Variants in ADAMTS8 observed in about 807,000 individuals in gnomAD.
ADAMTS8 encodes the protein ADAM metallopeptidase with thrombospondin type 1 motif 8.
Under a neutral mutation model 64.4 loss-of-function variants are expected in ADAMTS8, and 50 were observed. That is an observed-to-expected ratio of 0.78 (90% confidence interval 0.62 to 0.98). ADAMTS8 has a LOEUF of 0.98. Among genes scored for constraint, ADAMTS8 ranks in the 50% least tolerant of loss-of-function variants. The pLI is 0.00. For missense variants in ADAMTS8, 1,192 were observed against 1,208.2 expected (o/e 0.99, Z 0.20); for synonymous variants, 556 against 533.6 (o/e 1.04, Z -0.58).
Position 130,416,176 on chromosome 11 carries a change from C to T in ADAMTS8, c.1251G>A (p.Leu417=). Residue 417 remains leucine, a synonymous_variant, in exon 4 of 9, where the codon CTG becomes CTA. Coordinates refer to ENST00000257359, the MANE Select transcript of ADAMTS8 (RefSeq NM_007037.6). The surrounding 1 kb of genome is among the most constrained non-coding windows in gnomAD (Gnocchi z 4.8). ...GCCGGTGCCTACCGTGCCCGCCGTCCAGAAGCTCTGTGAGATACATGGCGC... is the reference window on the plus strand; with the variant it reads ...GCCGGTGCCTACCGTGCCCGCCGTCTAGAAGCTCTGTGAGATACATGGCGC... ...PCSAMYLTEL[L]DGGHGDCLLD... is the part of the protein sequence containing the mutation. The T allele has an allele frequency of 6.3e-7, 1 of 1,588,840 alleles. No individual in the cohort carries two copies. Among genetic ancestry groups the T allele is most frequent in the Non-Finnish European group, 8.6e-7 (1 of 1,166,698 alleles).
Position 130,428,277 on chromosome 11 carries a change from C to G in ADAMTS8, c.10G>C (p.Ala4Pro). MLP[A>P]PAAPRWPPLL... Reference sequence around the variant, plus strand: ...GGAGGCCACCGGGGGGCGGCGGGGGCGGGGAGCATGGGGGCTGCGGCGGTG... The same window carrying G: ...GGAGGCCACCGGGGGGCGGCGGGGGGGGGGAGCATGGGGGCTGCGGCGGTG... Residue 4 changes from alanine (A) to proline (P), a missense_variant, in exon 1 of 9, where the codon GCC becomes CCC. Ala to Pro is a conservative substitution (Grantham distance 27). This residue lies in a region of ADAMTS8 where 741 missense variants were observed against 710.6 expected (regional missense o/e 1.04). Transcript: ENST00000257359. The G allele has an allele frequency of 8.3e-7, 1 of 1,203,744 alleles. No individual in the cohort carries two copies. The highest frequency in any genetic ancestry group is 1.0e-6 in the Non-Finnish European group (1 of 973,190). The allele number at this position is 1,203,744 out of a possible 1,614,324, so 74.6% of individuals were successfully genotyped here. A position where few individuals can be genotyped will look rare whatever the true frequency, so the allele number is the denominator to read the frequency against.
At position 130,411,434 on chromosome 11, in the gene ADAMTS8, T is replaced by C. The variant is rs2134676642; in HGVS notation, c.1733A>G (p.Glu578Gly). 3 of 1,614,078 alleles carry C rather than the reference T, an allele frequency of 1.9e-6. No homozygotes were observed. The East Asian group carries it at 6.7e-5, about 36-fold the overall frequency. Residue 578 changes from glutamate to glycine, a missense_variant, in exon 6 of 9, where the codon GAG becomes GGG. By Grantham distance (98) the Glu-to-Gly change is moderately conservative. Transcript: ENST00000257359. The surrounding 1 kb of genome is among the most constrained non-coding windows in gnomAD (Gnocchi z 4.2). Reference sequence around the variant, plus strand: ...GTAATTACCGTCAGGGGGGCATTCCTCCGTGTGGCATGACTGGTACTTGGC... The same window carrying C: ...GTAATTACCGTCAGGGGGGCATTCCCCCGTGTGGCATGACTGGTACTTGGC... ...RRAKYQSCHT[E>G]ECPPDGKSFR...
At chr11:130,427,331 G>A (rs986401803) in intron 1 of ADAMTS8, among the ~76,000 whole-genome samples, 1 of 152,260 alleles carries the variant, frequency 6.6e-6, no homozygotes, top group African/African-American at 2.4e-5. Context: ...AACTGGAAGG[G>A]ACCTGGGGGT....
Position 130,408,516 on chromosome 11 carries a change from C to G in ADAMTS8, c.2047G>C (p.Gly683Arg). 6.2e-7 allele frequency: 1 copy of G among 1,614,146 alleles called. No individual in the cohort carries two copies. Among genetic ancestry groups the G allele is most frequent in the Admixed American group, 1.7e-5 (1 of 60,028 alleles). The change falls in exon 8 of 9, where the codon GGG (glycine) becomes CGG (arginine). Residue 683 changes from glycine (G) to arginine (R), a missense_variant. Gly to Arg is a moderately radical substitution (Grantham distance 125). Around this residue, in one of 5 missense-constraint regions of ADAMTS8, gnomAD observed 290 missense variants for 297.8 expected, o/e 0.97. Transcript: ENST00000257359. Reference sequence around the variant, plus strand: ...TTCCTGCAGGAGTTGCCTTTGCCCCCACACACCCCGCATTTGTCCAGCTTC... The same window carrying G: ...TTCCTGCAGGAGTTGCCTTTGCCCCGACACACCCCGCATTTGTCCAGCTTC... ...PRKLDKCGVCGGKGNSCRKVS... is the reference protein window; with the variant it reads ...PRKLDKCGVCRGKGNSCRKVS...
Position 130,411,316 on chromosome 11 carries a change from C to G in ADAMTS8, c.1750+101G>C. ...CTCCCCTCTGGGAGTAACTCTATAT[C>G]CCGGGACACCCACTTCACTCCCACT... On this transcript the variant is annotated intron_variant, in intron 6 of 8. Coordinates refer to ENST00000257359, the MANE Select transcript of ADAMTS8 (RefSeq NM_007037.6). This position sits in a 1 kb window ranked among gnomAD's most constrained non-coding sequence, Gnocchi z 4.2. 2 of 1,432,492 alleles carry G rather than the reference C, an allele frequency of 1.4e-6. No individual in the cohort carries two copies. Among genetic ancestry groups the G allele is most frequent in the Admixed American group, 2.0e-5 (1 of 49,746 alleles). The allele number at this position is 1,432,492 out of a possible 1,614,324, so 88.7% of individuals were successfully genotyped here. A position where few individuals can be genotyped will look rare whatever the true frequency, so the allele number is the denominator to read the frequency against.
chr11:130,427,457 T>G, intron 1 of ADAMTS8, 110 bp downstream of exon 1: 2 of 941,024 alleles, frequency 2.1e-6, no homozygotes, highest in South Asian at 2.2e-5. Context: ...AGGGCTTTTT[T>G]TTTTTTTTTT....
chr11:130,409,640 G>A (rs567134042), intron 6 of ADAMTS8, among the ~76,000 whole-genome samples: 1 of 152,258 alleles, frequency 6.6e-6, no homozygotes, highest in Non-Finnish European at 1.5e-5. Context: ...GATTTAAAAC[G>A]ATGGCATCCC....
Position 130,428,517 on chromosome 11 carries a change from G to T in ADAMTS8, c.-231C>A. 1 of 913,170 alleles carries T rather than the reference G, an allele frequency of 1.1e-6. No individual in the cohort carries two copies. Among genetic ancestry groups the T allele is most frequent in the Non-Finnish European group, 1.3e-6 (1 of 764,438 alleles). 56.6% of individuals were successfully genotyped at this position (913,170 alleles called of 1,614,324 possible). ...GCCGCCCCCGAGCCGAGCGCGAGCA[G>T]CTGGCCCCGGCCCGCGTGCGCCCGT... On this transcript the variant is annotated 5_prime_UTR_variant, in exon 1 of 9. The change creates a new upstream start codon in the 5' untranslated region. Coordinates refer to ENST00000257359, the MANE Select transcript of ADAMTS8 (RefSeq NM_007037.6).
Position 130,416,389 on chromosome 11 carries a change from C to A in ADAMTS8, c.1097-59G>T. On this transcript the variant is annotated intron_variant, in intron 3 of 8. Coordinates refer to ENST00000257359, the MANE Select transcript of ADAMTS8 (RefSeq NM_007037.6). This position sits in a 1 kb window ranked among gnomAD's most constrained non-coding sequence, Gnocchi z 4.8. ...CCTGCCTGAGGGCGCCCCACCTGGCCCAGCTAGGGACAGAGATGGAGCTCC... is the reference window on the plus strand; with the variant it reads ...CCTGCCTGAGGGCGCCCCACCTGGCACAGCTAGGGACAGAGATGGAGCTCC... 1 of 1,483,924 alleles carries A rather than the reference C, an allele frequency of 6.7e-7. No individual in the cohort carries two copies. The allele number at this position is 1,483,924 out of a possible 1,614,324, so 91.9% of individuals were successfully genotyped here. A position where few individuals can be genotyped will look rare whatever the true frequency, so the allele number is the denominator to read the frequency against.
chr11:130,407,678 G>A (rs1052934500), intron 8 of ADAMTS8, among the ~76,000 whole-genome samples: 2 of 152,100 alleles, frequency 1.3e-5, no homozygotes, highest in African/African-American at 4.8e-5. Flanking sequence ...TAAAACACCC[G>A]AACTTGCCCT....
At chr11:130,414,122 C>CTTTTTTT (rs143297278) in intron 5 of ADAMTS8, among the ~76,000 whole-genome samples, 2 of 129,782 alleles carry the variant, frequency 1.5e-5, no homozygotes, top group Non-Finnish European at 1.7e-5. Flanking sequence ...AGTTTCTTTT[C>CTTTTTTT]TTTTTTTTTT....
chr11:130,408,147 C>G (rs542620125), intron 8 of ADAMTS8, among the ~76,000 whole-genome samples: 2 of 152,184 alleles, frequency 1.3e-5, no homozygotes, highest in South Asian at 4.2e-4. Flanking sequence ...CAGTGTGGCT[C>G]GATTGACTCA....
intron 8 of ADAMTS8, 84 bp from the exon 9 acceptor site, chr11:130,406,212 C>G: frequency 6.8e-7 from 1 of 1,476,996 alleles, no homozygotes; most frequent in Middle Eastern, 1.8e-4. Context: ...GAAGTGGGCA[C>G]CCCAGGTGGC....
In ADAMTS8 at chr11:130,405,984, C is replaced by T. The variant is rs576582608; in HGVS notation, c.2244G>A (p.Leu748=). The T allele has an allele frequency of 1.2e-6, 2 of 1,614,232 alleles. No individual in the cohort carries two copies. Among genetic ancestry groups the T allele is most frequent in the East Asian group, 2.2e-5 (1 of 44,884 alleles). ...TGTCCTGCTCTATGGCAGAGATGGCCAGGTTGCCGTTGAGCAGGTACTGCC... is the reference window on the plus strand; with the variant it reads ...TGTCCTGCTCTATGGCAGAGATGGCTAGGTTGCCGTTGAGCAGGTACTGCC... ...ADGQYLLNGN[L]AISAIEQDIL... The change falls in exon 9 of 9, where the codon CTG becomes CTA. Residue 748 remains leucine (L), a synonymous_variant. Transcript: ENST00000257359.
Position 130,428,267 on chromosome 11 carries a change from G to A in ADAMTS8, c.20C>T (p.Ala7Val), listed in dbSNP as rs1862209756. The change falls in exon 1 of 9, where the codon GCC becomes GTC. Residue 7 changes from alanine (A) to valine (V), a missense_variant. By Grantham distance (64) the Ala-to-Val change is moderately conservative (BLOSUM62 0). Transcript: ENST00000257359. MLPAPA[A>V]PRWPPLLLLL... ...CAGCAGGAGCGGAGGCCACCGGGGG[G>A]CGGCGGGGGCGGGGAGCATGGGGGC... 7.4e-6 allele frequency: 9 copies of A among 1,209,426 alleles called. No homozygotes were observed. In the South Asian group the frequency reaches 1.7e-4, roughly 23 times the overall value. The allele number at this position is 1,209,426 out of a possible 1,614,324, so 74.9% of individuals were successfully genotyped here.
At chr11:130,424,516 C>G (rs58241307) in intron 1 of ADAMTS8, among the ~76,000 whole-genome samples, 5 of 152,102 alleles carry the variant, frequency 3.3e-5, no homozygotes, top group Non-Finnish European at 7.4e-5. Context: ...GAACTCTAAG[C>G]CCTAGAGAGG....
In ADAMTS8 at chr11:130,408,582, A is replaced by T. The variant is rs774468028; in HGVS notation, c.1981T>A (p.Cys661Ser). The change falls in exon 8 of 9, where the codon TGT becomes AGT. Residue 661 changes from cysteine (C) to serine (S), a missense_variant. Physicochemically the swap from Cys to Ser is moderately radical, Grantham distance 112. Transcript: ENST00000257359. ...ETLAICVRGQ[C>S]VKAGCDHVVD... Reference sequence around the variant, plus strand: ...ACATGGTCACAGCCGGCCTTGACACACTGGCCACGGACACAGATGGCCAGT... The same window carrying T: ...ACATGGTCACAGCCGGCCTTGACACTCTGGCCACGGACACAGATGGCCAGT... The T allele has an allele frequency of 6.2e-7, 1 of 1,614,122 alleles. No individual in the cohort carries two copies. The highest frequency in any genetic ancestry group is 8.5e-7 in the Non-Finnish European group (1 of 1,180,016).
rs1489989509 is a variant in ADAMTS8, at chr11:130,427,775, G to A, written c.512C>T (p.Thr171Met). 7 of 1,591,736 alleles carry A rather than the reference G, an allele frequency of 4.4e-6. No individual in the cohort carries two copies. Among genetic ancestry groups the A allele is most frequent in the African/African-American group, 4.0e-5 (3 of 74,256 alleles). ...LPRGPEWEVE[T>M]GEGQRQERGD... ...TCTCTCCTGCCTCTGACCCTCTCCC[G>A]TCTCCACCTCCCACTCGGGTCCTCG... The change falls in exon 1 of 9, where the codon ACG becomes ATG. Residue 171 changes from threonine (T) to methionine (M), a missense_variant. Coordinates refer to ENST00000257359, the MANE Select transcript of ADAMTS8 (RefSeq NM_007037.6).
intron 2 of ADAMTS8, 89 bp downstream of exon 2, chr11:130,418,964 C>G (rs557502055): frequency 6.3e-7 from 1 of 1,579,686 alleles, no homozygotes; most frequent in African/African-American, 1.3e-5. Flanking sequence ...GGAGACGTTT[C>G]CCATGTTTGG....
Sources: gnomAD v4.1 joint callset for allele counts (sites outside exome capture counted in the v4.1 genomes callset) on GRCh38, gnomAD v4.1.1 for gene constraint, gnomAD v4.1.1 regional missense constraint, Gnocchi (gnomAD v3.1) non-coding constraint, MANE v1.5 for transcripts, NCBI Gene and HGNC (gene_info 2026-07-23, HGNC 2026-07-21) for gene names.